Variants in DLAT observed in about 807,000 individuals in gnomAD.
DLAT encodes the protein dihydrolipoyllysine-residue acetyltransferase component of pyruvate dehydrogenase complex, mitochondrial.
Under a neutral mutation model 68.0 loss-of-function variants are expected in DLAT, and 43 were observed. That is an observed-to-expected ratio of 0.63 (90% CI 0.50 to 0.81). The LOEUF (loss-of-function observed/expected upper bound fraction) is 0.81, where lower values mean the gene tolerates loss of function less well. Ranked by LOEUF, DLAT falls within the 40% of genes least tolerant of loss-of-function variation. DLAT has a pLI of 0.00. For missense variants in DLAT, 745 were observed against 815.4 expected (o/e 0.91, Z 1.05); for synonymous variants, 265 against 288.6 (o/e 0.92, Z 0.83).
chr11:112,062,415 G>A lies in DLAT; in HGVS notation c.1824G>A (p.Val608=), dbSNP rs1555183356. 6.2e-7 allele frequency: 1 copy of A among 1,612,474 alleles called. No individual in the cohort carries two copies. Among genetic ancestry groups the A allele is most frequent in the East Asian group, 2.2e-5 (1 of 44,884 alleles). ...VPADNEKGFD[V]ASMMSVTLSC... ...CTTTATCTTTTTCTAGGTTTGATGT[G>A]GCTAGCATGATGTCTGTTACACTCA... Residue 608 remains valine (V), a synonymous_variant, in exon 14 of 14, where the codon GTG becomes GTA. Coordinates refer to ENST00000280346, the MANE Select transcript of DLAT (RefSeq NM_001931.5).
At position 112,055,733 on chromosome 11, in the gene DLAT, A is replaced by G. The variant is rs1479519765; in HGVS notation, c.1515-4170A>G. Among the ~76,000 whole-genome samples, 3 of 151,742 alleles carry G rather than the reference A, an allele frequency of 2.0e-5. No individual in the cohort carries two copies. In the East Asian group the frequency reaches 5.8e-4, roughly 29 times the overall value. ...CGTGATGATCGTCACAGCAGCAAAC[A>G]TTCAAGGAATTTATATTCCTTAAAT... On this transcript the variant is annotated intron_variant, in intron 11 of 13. Transcript: ENST00000280346.
At chr11:112,045,305 A>G (rs771701326) in intron 9 of DLAT, 75 bp downstream of exon 9, 4 of 1,208,086 alleles carry the variant, frequency 3.3e-6, no homozygotes, top group Non-Finnish European at 4.9e-6. Flanking sequence ...CATAGTTTTT[A>G]ACACATTAAC....
chr11:112,041,634 G>A (rs1863055515), intron 7 of DLAT, among the ~76,000 whole-genome samples: 1 of 152,212 alleles, frequency 6.6e-6, no homozygotes, highest in Admixed American at 6.5e-5. Flanking sequence ...TGTAATCCCA[G>A]CACTTTGGGA....
chr11:112,058,059 T>C (rs1490616979), intron 11 of DLAT, among the ~76,000 whole-genome samples: 1 of 152,204 alleles, frequency 6.6e-6, no homozygotes, highest in Non-Finnish European at 1.5e-5. Flanking sequence ...GAACTGAACC[T>C]GGAATATCAA....
chr11:112,037,238 C>A (rs185998836), intron 5 of DLAT, 35 bp from the exon 6 acceptor site: 1 of 1,592,998 alleles, frequency 6.3e-7, no homozygotes, highest in East Asian at 2.2e-5. Context: ...AGTGGAATCT[C>A]TTAAGTCCCA....
chr11:112,031,885 GTTTTTTTTTTTTT>G (rs55866523), intron 4 of DLAT, among the ~76,000 whole-genome samples: 82 of 45,390 alleles, frequency 1.8e-3, no homozygotes, highest in African/African-American at 6.5e-3. Context: ...GGTCTTTCCT[GTTTTTTTTTTTTT>G]TTTTTTTTTT....
chr11:112,045,838 A>C, intron 9 of DLAT, 25 bp from the exon 10 acceptor site: 1 of 1,488,924 alleles, frequency 6.7e-7, no homozygotes, highest in Non-Finnish European at 9.4e-7. Flanking sequence ...AAGATAATTG[A>C]TTTTTTAAAT....
In DLAT at chr11:112,064,067, G is replaced by T; in HGVS notation, c.*1532G>T. 3 of 1,007,740 alleles carry T rather than the reference G, an allele frequency of 3.0e-6. No individual in the cohort carries two copies. Among genetic ancestry groups the T allele is most frequent in the Non-Finnish European group, 4.2e-6 (3 of 706,380 alleles). The allele number at this position is 1,007,740 out of a possible 1,614,324, so 62.4% of individuals were successfully genotyped here. ...TATTATGAAAACAATACATTAATTT[G>T]ATTTTTCAGTAATTAGTAATTTTAG... On this transcript the variant is annotated 3_prime_UTR_variant, in exon 14 of 14. Transcript: ENST00000280346.
chr11:112,038,270 C>T (rs1332635482), intron 6 of DLAT, among the ~76,000 whole-genome samples: 1 of 152,066 alleles, frequency 6.6e-6, no homozygotes, highest in East Asian at 1.9e-4. Flanking sequence ...GTGATCTTGG[C>T]TCACTGCAGC....
intron 11 of DLAT, among the ~76,000 whole-genome samples, chr11:112,052,595 A>G (rs934381455): frequency 6.6e-6 from 1 of 152,112 alleles, no homozygotes; most frequent in African/African-American, 2.4e-5. Flanking sequence ...CAGAGCTTCC[A>G]TGTCCTTTCT....
chr11:112,061,282 G>A (rs2135167660), intron 13 of DLAT, 108 bp downstream of exon 13: 1 of 1,157,450 alleles, frequency 8.6e-7, no homozygotes, highest in Non-Finnish European at 1.3e-6. Context: ...CAAATATCGT[G>A]ATCCACAATG....
chr11:112,031,416 TTTTA>T (rs1275411001), intron 4 of DLAT, among the ~76,000 whole-genome samples: 3 of 152,138 alleles, frequency 2.0e-5, no homozygotes, highest in African/African-American at 7.2e-5. Flanking sequence ...GGTTTTTTAT[TTTTA>T]TTTATTTATT....
chr11:112,026,235 G>T lies in DLAT; in HGVS notation c.317G>T (p.Gly106Val). The T allele has an allele frequency of 1.2e-6, 2 of 1,611,774 alleles. No individual in the cohort carries two copies. The highest frequency in any genetic ancestry group is 1.7e-6 in the Non-Finnish European group (2 of 1,179,364). Residue 106 changes from glycine (G) to valine (V), a missense_variant, in exon 2 of 14, where the codon GGC becomes GTC. Gly to Val is a moderately radical substitution (Grantham distance 109). Transcript: ENST00000280346. ...LPSLSPTMQA[G>V]TIARWEKKEG... ...TCTCTTTCCCCCACAATGCAGGCAG[G>T]CACCATAGCCCGTTGGGAAAAAAAA... is the stretch of plus-strand genomic sequence containing the variant.
At chr11:112,039,819 A>G (rs1370649515) in intron 7 of DLAT, among the ~76,000 whole-genome samples, 1 of 152,222 alleles carries the variant, frequency 6.6e-6, no homozygotes, top group Non-Finnish European at 1.5e-5. Context: ...CATATAAAAC[A>G]GAACTAGAGC....
chr11:112,026,902 C>G (rs1237641059), intron 2 of DLAT, among the ~76,000 whole-genome samples: 4 of 151,208 alleles, frequency 2.6e-5, no homozygotes, highest in Non-Finnish European at 4.4e-5. Context: ...TGGGCAGAGG[C>G]GCCCCTCACC....
intron 11 of DLAT, among the ~76,000 whole-genome samples, chr11:112,058,618 G>T (rs182220169): frequency 2.4e-5 from 3 of 125,496 alleles, no homozygotes; most frequent in African/African-American, 6.3e-5. Context: ...GTGGGGGAAG[G>T]GGGGGGTGGG....
intron 5 of DLAT, among the ~76,000 whole-genome samples, chr11:112,034,266 A>G (rs1001050451): frequency 3.3e-5 from 5 of 152,168 alleles, no homozygotes; most frequent in Non-Finnish European, 7.3e-5. Flanking sequence ...AGAATTTAAG[A>G]TGACTTTGAG....
chr11:112,028,246 C>T (rs1862188712), intron 2 of DLAT, among the ~76,000 whole-genome samples: 1 of 151,934 alleles, frequency 6.6e-6, no homozygotes, highest in African/African-American at 2.4e-5. Context: ...TGGTGAAACC[C>T]CGTCTCTGCT....
chr11:112,058,758 C>T (rs1365774839), intron 11 of DLAT, among the ~76,000 whole-genome samples: 1 of 151,828 alleles, frequency 6.6e-6, no homozygotes, highest in African/African-American at 2.4e-5. Context: ...TTTCATATCA[C>T]ATTGTAGTTG....
Sources: allele counts gnomAD v4.1 joint callset (sites outside exome capture counted in the v4.1 genomes callset), GRCh38; gene constraint gnomAD v4.1.1; transcripts MANE v1.5; gene names NCBI Gene and HGNC (gene_info 2026-07-23, HGNC 2026-07-21).